MLLT10: variants seen among roughly 807,000 people sequenced by gnomAD.
MLLT10 encodes the protein MLLT10 histone lysine methyltransferase DOT1L cofactor.
MLLT10 carries 30 observed loss-of-function variants against 129.1 expected under a neutral mutation model. That is an observed-to-expected ratio of 0.23 (90% confidence interval 0.17 to 0.32). The LOEUF is 0.32. Ranked by LOEUF, MLLT10 falls within the 10% of genes least tolerant of loss-of-function variation. The pLI, the probability that MLLT10 is intolerant of heterozygous loss-of-function variation, is 1.00. For synonymous variants in MLLT10, 490 were observed against 446.4 expected (o/e 1.10, Z -1.23); for missense variants, 1,119 against 1,268.3 (o/e 0.88, Z 1.79).
chr10:21,638,292 T>C (rs1208035136), intron 8 of MLLT10, among the ~76,000 whole-genome samples: 5 of 151,650 alleles, frequency 3.3e-5, no homozygotes, highest in African/African-American at 1.2e-4. Flanking sequence ...AGGAATATTT[T>C]AAAGATGCAA....
intron 8 of MLLT10, among the ~76,000 whole-genome samples, chr10:21,628,444 T>TA (rs2046674454): frequency 6.8e-6 from 1 of 147,674 alleles, no homozygotes; most frequent in African/African-American, 2.5e-5. Context: ...TTTTTTTTTT[T>TA]TTTTTTTTTG....
chr10:21,592,860 A>G (rs2042643968), intron 4 of MLLT10, among the ~76,000 whole-genome samples: 1 of 152,096 alleles, frequency 6.6e-6, no homozygotes, highest in African/African-American at 2.4e-5. Flanking sequence ...CTGTTCTGGA[A>G]AATTTTTAGG....
intron 8 of MLLT10, among the ~76,000 whole-genome samples, chr10:21,640,074 C>A (rs545361430): frequency 1.3e-5 from 2 of 151,030 alleles, no homozygotes; most frequent in Admixed American, 1.3e-4. Context: ...ACAAAAGATA[C>A]GCCTGTTTTT....
chr10:21,543,169 A>G (rs2035492881), intron 3 of MLLT10, among the ~76,000 whole-genome samples: 2 of 151,872 alleles, frequency 1.3e-5, no homozygotes, highest in Non-Finnish European at 2.9e-5. Flanking sequence ...TGCCTAGGCT[A>G]GAGTGCAATG....
intron 8 of MLLT10, among the ~76,000 whole-genome samples, chr10:21,639,992 A>G (rs116233403): frequency 0.028 from 4,280 of 151,580 alleles, 196 homozygotes; most frequent in African/African-American, 0.097. Flanking sequence ...AAGGACTGTC[A>G]TTTCACCTTT....
intron 8 of MLLT10, among the ~76,000 whole-genome samples, chr10:21,636,389 A>G (rs1315101656): frequency 6.6e-6 from 1 of 152,086 alleles, no homozygotes; most frequent in South Asian, 2.1e-4. Context: ...GCCTTGGCCT[A>G]CCAGTGTTAC....
intron 21 of MLLT10, among the ~76,000 whole-genome samples, chr10:21,738,786 C>T (rs562424320): frequency 2.0e-5 from 3 of 152,286 alleles, no homozygotes; most frequent in Non-Finnish European, 4.4e-5. Context: ...TGTCTTACTA[C>T]CTAACTGGTC....
At chr10:21,708,992 A>G (rs1274790300) in intron 13 of MLLT10, among the ~76,000 whole-genome samples, 1 of 152,188 alleles carries the variant, frequency 6.6e-6, no homozygotes, top group East Asian at 1.9e-4. Context: ...GGTAGCCATT[A>G]TCTTTGTTTT....
At chr10:21,685,594 G>A (rs539462062) in intron 13 of MLLT10, among the ~76,000 whole-genome samples, 11 of 152,178 alleles carry the variant, frequency 7.2e-5, no homozygotes, top group Admixed American at 3.9e-4. Flanking sequence ...GGTCCACCTC[G>A]GCCTCCTAAA....
chr10:21,703,272 TATCCTTGGC>T (rs2055102666), intron 13 of MLLT10, among the ~76,000 whole-genome samples: 1 of 152,098 alleles, frequency 6.6e-6, no homozygotes, highest in Non-Finnish European at 1.5e-5. Context: ...CTGTATGTAA[TATCCTTGGC>T]TGAAAGTTTT....
chr10:21,644,300 T>C (rs1368706268), intron 8 of MLLT10, among the ~76,000 whole-genome samples: 1 of 152,188 alleles, frequency 6.6e-6, no homozygotes, highest in African/African-American at 2.4e-5. Context: ...TTTTAAAATG[T>C]TGTTTATGCT....
intron 3 of MLLT10, among the ~76,000 whole-genome samples, chr10:21,551,527 A>G (rs1181241020): frequency 6.6e-6 from 1 of 151,896 alleles, no homozygotes; most frequent in Non-Finnish European, 1.5e-5. Context: ...GGTGCTTACC[A>G]TCATAGACCG....
At chr10:21,643,924 C>T (rs2048248468) in intron 8 of MLLT10, among the ~76,000 whole-genome samples, 1 of 152,078 alleles carries the variant, frequency 6.6e-6, no homozygotes, top group Admixed American at 6.6e-5. Context: ...TGTGGTCTGC[C>T]TGCTTTAGTA....
At chr10:21,568,001 A>G (rs1366963377) in intron 3 of MLLT10, among the ~76,000 whole-genome samples, 1 of 151,924 alleles carries the variant, frequency 6.6e-6, no homozygotes, top group Non-Finnish European at 1.5e-5. Context: ...TATTTTTAGT[A>G]GAGATGGGGT....
intron 7 of MLLT10, among the ~76,000 whole-genome samples, chr10:21,615,457 C>CA (rs71393914): frequency 0.31 from 23,154 of 74,506 alleles, 3,560 homozygotes; most frequent in Middle Eastern, 0.47. Flanking sequence ...GACTCCGTCT[C>CA]AAAAAAAAAA....
chr10:21,595,499 GT>G (rs2042947134), intron 5 of MLLT10, 59 bp downstream of exon 5: 1 of 1,330,100 alleles, frequency 7.5e-7, no homozygotes, highest in Non-Finnish European at 1.0e-6. Context: ...TAGAAAGGAA[GT>G]TTTTGTGTTT....
At chr10:21,563,271 C>A (rs1353726556) in intron 3 of MLLT10, among the ~76,000 whole-genome samples, 2 of 152,232 alleles carry the variant, frequency 1.3e-5, no homozygotes, top group Admixed American at 1.3e-4. Context: ...GGCCTATAAT[C>A]CCAGCACTTT....
At chr10:21,735,277 T>G (rs1166332631) in intron 21 of MLLT10, 42 bp downstream of exon 21, 1 of 1,424,154 alleles carries the variant, frequency 7.0e-7, no homozygotes, top group East Asian at 2.3e-5. Flanking sequence ...GGAGCATGTG[T>G]TCTAAGCTGT....
At position 21,673,526 on chromosome 10, in the gene MLLT10, G is replaced by T. The variant is rs369280219; in HGVS notation, c.1228G>T (p.Gly410Trp). The T allele has an allele frequency of 3.0e-5, 48 of 1,613,458 alleles. No homozygotes were observed. The highest frequency in any genetic ancestry group is 4.2e-6 in the Non-Finnish European group (5 of 1,179,872). The change falls in exon 11 of 23, where the codon GGG becomes TGG. Residue 410 changes from glycine to tryptophan, a missense_variant. This residue lies in a region of MLLT10 where 1,004 missense variants were observed against 1,008.7 expected (regional missense o/e 1.00). Transcript: ENST00000307729. ...AGGAGAGTCTGGAAGCCAGGAAGGGGGGGTAAATAGTTTTAGTACCTTAAT... is the reference window on the plus strand; with the variant it reads ...AGGAGAGTCTGGAAGCCAGGAAGGGTGGGTAAATAGTTTTAGTACCTTAAT... ...HKGESGSQEG[G>W]VNSFSTLIGL...
Sources: gnomAD v4.1 joint callset for allele counts (sites outside exome capture counted in the v4.1 genomes callset) on GRCh38, gnomAD v4.1.1 for gene constraint, gnomAD v4.1.1 regional missense constraint, MANE v1.5 for transcripts, NCBI Gene and HGNC (gene_info 2026-07-23, HGNC 2026-07-21) for gene names.